The following NALF1 variants were observed in gnomAD, a reference collection of about 807,000 sequenced individuals.
NALF1 encodes the protein NALCN channel auxiliary factor 1, also known as family with sequence similarity 155 member A.
A neutral mutation model predicts 48.4 loss-of-function variants in NALF1; 3 were observed. The ratio of observed to expected loss-of-function variants is 0.06; its 90% CI spans 0.03 to 0.16. The LOEUF is 0.16. NALF1 is among the 10% of genes least tolerant of loss of function. The pLI is 1.00. For missense variants in NALF1, 526 were observed against 571.5 expected (o/e 0.92, Z 0.81); for synonymous variants, 262 against 245.7 (o/e 1.07, Z -0.62).
chr13:107,711,497 G>C (rs1195249131), intron 1 of NALF1, among the ~76,000 whole-genome samples: 1 of 152,128 alleles, frequency 6.6e-6, no homozygotes, highest in East Asian at 1.9e-4. Context: ...CACCACGCCC[G>C]GCTAATTTTT....
intron 1 of NALF1, among the ~76,000 whole-genome samples, chr13:107,462,397 T>C (rs1884934175): frequency 6.6e-6 from 1 of 152,246 alleles, no homozygotes; most frequent in Non-Finnish European, 1.5e-5. Context: ...GAAGAAATGT[T>C]AGATTACATC....
chr13:107,857,538 G>GC (rs1172086844), intron 1 of NALF1, among the ~76,000 whole-genome samples: 1 of 152,136 alleles, frequency 6.6e-6, no homozygotes, highest in Non-Finnish European at 1.5e-5. Flanking sequence ...AGTGTTCAAG[G>GC]CCTTTGGTTA....
chr13:107,380,933 G>C (rs1200742698), intron 1 of NALF1, among the ~76,000 whole-genome samples: 1 of 146,596 alleles, frequency 6.8e-6, no homozygotes, highest in African/African-American at 2.5e-5. Context: ...AGCAGAGATC[G>C]TGCCACTGCA....
chr13:107,552,276 A>G (rs764844391), intron 1 of NALF1, among the ~76,000 whole-genome samples: 1 of 152,232 alleles, frequency 6.6e-6, no homozygotes, highest in Non-Finnish European at 1.5e-5. Flanking sequence ...GCTACAGTCA[A>G]CAAATGTTTC....
intron 2 of NALF1, among the ~76,000 whole-genome samples, chr13:107,205,600 G>A (rs944560952): frequency 2.6e-5 from 4 of 151,774 alleles, no homozygotes; most frequent in Non-Finnish European, 5.9e-5. Context: ...CCTTATTCCT[G>A]TCACAGCTCA....
intron 1 of NALF1, among the ~76,000 whole-genome samples, chr13:107,833,016 A>C (rs1879785916): frequency 6.6e-6 from 1 of 151,826 alleles, no homozygotes; most frequent in South Asian, 2.1e-4. Context: ...CACTTTTTCC[A>C]TTCTTCCTGT....
At chr13:107,378,139 C>G (rs1883371213) in intron 1 of NALF1, among the ~76,000 whole-genome samples, 1 of 152,056 alleles carries the variant, frequency 6.6e-6, no homozygotes, top group East Asian at 1.9e-4. Context: ...GCCCGAGTTG[C>G]CTGAAAGCTC....
intron 1 of NALF1, among the ~76,000 whole-genome samples, chr13:107,837,948 C>A (rs938898942): frequency 1.3e-5 from 2 of 151,940 alleles, no homozygotes. Flanking sequence ...AAAAACTCAT[C>A]ATAGAACCAT....
chr13:107,278,848 TTTG>T (rs1317638878), intron 1 of NALF1, among the ~76,000 whole-genome samples: 1 of 152,152 alleles, frequency 6.6e-6, no homozygotes, highest in Non-Finnish European at 1.5e-5. Context: ...TACATTGGAA[TTTG>T]TTATCTATTT....
intron 1 of NALF1, among the ~76,000 whole-genome samples, chr13:107,479,194 A>T (rs1439041796): frequency 6.6e-6 from 1 of 151,804 alleles, no homozygotes; most frequent in Non-Finnish European, 1.5e-5. Flanking sequence ...CTGCCCAGAC[A>T]CTCTAGTTTT....
At chr13:107,406,048 C>A (rs911738887) in intron 1 of NALF1, among the ~76,000 whole-genome samples, 1 of 152,052 alleles carries the variant, frequency 6.6e-6, no homozygotes, top group South Asian at 2.1e-4. Flanking sequence ...ATCACCACCA[C>A]TACCTAGAAC....
intron 1 of NALF1, among the ~76,000 whole-genome samples, chr13:107,784,291 G>A (rs879512514): frequency 3.3e-5 from 5 of 152,156 alleles, no homozygotes; most frequent in African/African-American, 7.2e-5. Flanking sequence ...CATGGAAACC[G>A]CATGCTGCAG....
intron 1 of NALF1, among the ~76,000 whole-genome samples, chr13:107,274,046 T>C (rs375147907): frequency 1.3e-5 from 2 of 148,826 alleles, no homozygotes; most frequent in East Asian, 2.0e-4. Flanking sequence ...ATTTTTTTTT[T>C]CTAAATTTTA....
chr13:107,862,843 G>C (rs1486349646), intron 1 of NALF1, among the ~76,000 whole-genome samples: 1 of 151,242 alleles, frequency 6.6e-6, no homozygotes, highest in Admixed American at 6.6e-5. Context: ...TTTGAATGAG[G>C]GCAGAATATG....
chr13:107,340,963 T>C (rs1882669025), intron 1 of NALF1, among the ~76,000 whole-genome samples: 1 of 152,110 alleles, frequency 6.6e-6, no homozygotes, highest in East Asian at 1.9e-4. Context: ...GCCAGCTGAT[T>C]TATAGAATCA....
intron 1 of NALF1, among the ~76,000 whole-genome samples, chr13:107,243,964 C>A (rs927960833): frequency 4.6e-5 from 7 of 152,266 alleles, no homozygotes; most frequent in African/African-American, 1.7e-4. Context: ...ATACCAAAAG[C>A]TTCTGAAGTC....
intron 1 of NALF1, among the ~76,000 whole-genome samples, chr13:107,680,803 G>A (rs1333404562): frequency 6.6e-6 from 1 of 151,394 alleles, no homozygotes; most frequent in Non-Finnish European, 1.5e-5. Flanking sequence ...ATGAGAGAGG[G>A]TGAGTGGTGT....
intron 1 of NALF1, among the ~76,000 whole-genome samples, chr13:107,260,072 G>A (rs914882234): frequency 1.3e-5 from 2 of 152,192 alleles, no homozygotes; most frequent in Admixed American, 1.3e-4. Flanking sequence ...CAAGAATATA[G>A]AACTGAATCT....
intron 1 of NALF1, among the ~76,000 whole-genome samples, chr13:107,375,087 A>G (rs1243107831): frequency 6.6e-6 from 1 of 152,250 alleles, no homozygotes; most frequent in Non-Finnish European, 1.5e-5. Context: ...GAAGTATTAC[A>G]TAAATTCAGT....
Sources: gnomAD v4.1 joint callset for allele counts (sites outside exome capture counted in the v4.1 genomes callset) on GRCh38, gnomAD v4.1.1 for gene constraint, MANE v1.5 for transcripts, NCBI Gene and HGNC (gene_info 2026-07-23, HGNC 2026-07-21) for gene names.